Variants in ABCF1 observed in about 807,000 individuals in gnomAD.
ABCF1 encodes the protein ATP-binding cassette sub-family F member 1.
In ABCF1, 73 loss-of-function variants were observed where a neutral mutation model predicts 126.3. The ratio of observed to expected loss-of-function variants is 0.58; its 90% CI spans 0.48 to 0.70. ABCF1 has a LOEUF of 0.70. ABCF1 is among the 30% of genes least tolerant of loss of function. ABCF1 has a pLI of 0.00. For synonymous variants in ABCF1, 345 were observed against 396.4 expected, an observed-to-expected ratio of 0.87 and a Z score of 1.54; for missense variants, 786 against 1,057.5, an observed-to-expected ratio of 0.74 and a Z score of 3.56.
chr6:30,578,236 T>G, intron 4 of ABCF1, 34 bp downstream of exon 4: 1 of 1,613,678 alleles, frequency 6.2e-7, no homozygotes, highest in South Asian at 1.1e-5. Flanking sequence ...GTACCTGGAA[T>G]CCATGAGTCA....
At chr6:30,585,202 G>A (rs1802045700) in intron 14 of ABCF1, 58 bp from the exon 15 acceptor site, 4 of 1,473,532 alleles carry the variant, frequency 2.7e-6, no homozygotes, top group African/African-American at 1.4e-5. Context: ...TTTCTCTGGG[G>A]TTGTCTGAGC....
At position 30,583,106 on chromosome 6, in the gene ABCF1, ATGCAGCTGAAAATGACTTCTCCG is replaced by A. The variant is rs765600049; in HGVS notation, c.836_858del (p.Ala279ValfsTer17). ...CAAGTGGCTTCATTAAAAGCAGCCA[ATGCAGCTGAAAATGACTTCTCCG>A]TGTCCCAGGCGGAGATGTCCTCCCG... is the stretch of plus-strand genomic sequence containing the variant. On this transcript the variant is annotated frameshift_variant, in exon 10 of 25. Coordinates refer to ENST00000326195, the MANE Select transcript of ABCF1 (RefSeq NM_001025091.2). LOFTEE classifies it high-confidence loss of function. The surrounding 1 kb of genome is among the most constrained non-coding windows in gnomAD (Gnocchi z 4.1). The A allele has an allele frequency of 6.2e-7, 1 of 1,611,680 alleles. No homozygotes were observed. The highest frequency in any genetic ancestry group is 1.7e-5 in the Admixed American group (1 of 59,992).
intron 14 of ABCF1, 118 bp from the exon 15 acceptor site, chr6:30,585,142 G>A (rs1350489585): frequency 6.5e-6 from 6 of 926,990 alleles, no homozygotes; most frequent in Non-Finnish European, 1.1e-5. Context: ...GAACTTCTCT[G>A]AGGAGAGCTT....
intron 7 of ABCF1, 45 bp from the exon 8 acceptor site, chr6:30,580,361 A>T (rs4148251): frequency 7.0e-6 from 2 of 287,612 alleles, no homozygotes; most frequent in Non-Finnish European, 4.0e-6. Context: ...AAAAAAAAAG[A>T]AAAAAAAAAA....
At chr6:30,578,008 C>T in intron 3 of ABCF1, 68 bp from the exon 4 acceptor site, 3 of 1,613,728 alleles carry the variant, frequency 1.9e-6, no homozygotes, top group Non-Finnish European at 2.5e-6. Context: ...GATGGGGAAC[C>T]CTCTGTGAGG....
intron 8 of ABCF1, among the ~76,000 whole-genome samples, chr6:30,581,172 C>T (rs897334051): frequency 6.6e-6 from 1 of 152,024 alleles, no homozygotes. Flanking sequence ...AACACCTAAT[C>T]CAGTGAAGAA....
intron 1 of ABCF1, among the ~76,000 whole-genome samples, chr6:30,576,557 G>A (rs539359715): frequency 2.6e-5 from 4 of 151,934 alleles, no homozygotes; most frequent in Admixed American, 2.0e-4. Flanking sequence ...ACAAAGTGCC[G>A]GGATTACAGG....
At position 30,583,562 on chromosome 6, in the gene ABCF1, A is replaced by T; in HGVS notation, c.916-46A>T. 3.1e-6 allele frequency: 5 copies of T among 1,594,828 alleles called. No individual in the cohort carries two copies. The highest frequency in any genetic ancestry group is 4.3e-6 in the Non-Finnish European group (5 of 1,163,070). On this transcript the variant is annotated intron_variant, in intron 10 of 24. Coordinates refer to ENST00000326195, the MANE Select transcript of ABCF1 (RefSeq NM_001025091.2). This position sits in a 1 kb window ranked among gnomAD's most constrained non-coding sequence, Gnocchi z 4.1. Reference sequence around the variant, plus strand: ...CTCCTGTCCCAAAGGGAGAATTTTCATGTGATCATCCCTTCCCTCTGCCAC... The same window carrying T: ...CTCCTGTCCCAAAGGGAGAATTTTCTTGTGATCATCCCTTCCCTCTGCCAC...
In ABCF1 at chr6:30,586,528, G is replaced by T; in HGVS notation, c.1940G>T (p.Gly647Val). 1 of 1,613,368 alleles carries T rather than the reference G, an allele frequency of 6.2e-7. No individual in the cohort carries two copies. Among genetic ancestry groups the T allele is most frequent in the Non-Finnish European group, 8.5e-7 (1 of 1,180,022 alleles). ...CCACTCTTTAAGAACTTGGATTTTG[G>T]CATCGACATGGATTCAAGGAGTGAG... ...QKPLFKNLDF[G>V]IDMDSRICIV... The change falls in exon 19 of 25, where the codon GGC (glycine) becomes GTC (valine). Residue 647 changes from glycine (G) to valine (V), a missense_variant. Gly to Val is a moderately radical substitution (Grantham distance 109). Transcript: ENST00000326195. The surrounding 1 kb of genome is among the most constrained non-coding windows in gnomAD (Gnocchi z 4.9).
At chr6:30,585,534 T>TA in intron 15 of ABCF1, 24 bp from the exon 16 acceptor site, 8 of 1,612,830 alleles carry the variant, frequency 5.0e-6, no homozygotes, top group Non-Finnish European at 6.8e-6. Flanking sequence ...CTGTGACACT[T>TA]ACACCCTGTT....
chr6:30,586,576 G>A lies in ABCF1; in HGVS notation c.1960+28G>A, dbSNP rs756374287. On this transcript the variant is annotated intron_variant, in intron 19 of 24. Coordinates refer to ENST00000326195, the MANE Select transcript of ABCF1 (RefSeq NM_001025091.2). The surrounding 1 kb of genome is among the most constrained non-coding windows in gnomAD (Gnocchi z 4.9). Reference sequence around the variant, plus strand: ...GAGTTGGCGGGGTTGCCTCAGGGATGTGTAGCAGGAGCCACAGGGAGAGTC... The same window carrying A: ...GAGTTGGCGGGGTTGCCTCAGGGATATGTAGCAGGAGCCACAGGGAGAGTC... 2 of 1,613,078 alleles carry A rather than the reference G, an allele frequency of 1.2e-6. No homozygotes were observed. Among genetic ancestry groups the A allele is most frequent in the African/African-American group, 2.7e-5 (2 of 74,934 alleles).
At position 30,577,773 on chromosome 6, in the gene ABCF1, T is replaced by A. The variant is rs780046953; in HGVS notation, c.121-45T>A. 19 of 1,587,758 alleles carry A rather than the reference T, an allele frequency of 1.2e-5. No homozygotes were observed. In the African/African-American group the frequency reaches 2.2e-4, roughly 18 times the overall value. The stretch of plus-strand genomic sequence containing the variant: ...TGTGGCAGAGCACAGCCTGCTTGGA[T>A]TGCTCTTGGAAACATGTTTACCTGT... On this transcript the variant is annotated intron_variant, in intron 2 of 24. Transcript: ENST00000326195.
chr6:30,573,259 CACTT>C (rs1801345910), intron 1 of ABCF1, among the ~76,000 whole-genome samples: 1 of 152,190 alleles, frequency 6.6e-6, no homozygotes, highest in South Asian at 2.1e-4. Context: ...GTAAGGTTGA[CACTT>C]AAGTAACCCA....
chr6:30,586,824 A>C lies in ABCF1; in HGVS notation c.2031+113A>C, dbSNP rs1802161918. On this transcript the variant is annotated intron_variant, in intron 20 of 24. Coordinates refer to ENST00000326195, the MANE Select transcript of ABCF1 (RefSeq NM_001025091.2). The surrounding 1 kb of genome is among the most constrained non-coding windows in gnomAD (Gnocchi z 4.9). ...GAATGTAGAGTTAAATACAGAACTC[A>C]TGATAGATGATTCATTTCCCTAAGA... 1 of 1,137,330 alleles carries C rather than the reference A, an allele frequency of 8.8e-7. No homozygotes were observed. The highest frequency in any genetic ancestry group is 1.4e-5 in the South Asian group (1 of 73,950). 70.5% of individuals were successfully genotyped at this position (1,137,330 alleles called of 1,614,324 possible). A position where few individuals can be genotyped will look rare whatever the true frequency, so the allele number is the denominator to read the frequency against.
At position 30,589,958 on chromosome 6, in the gene ABCF1, G is replaced by A. The variant is rs1802355511; in HGVS notation, c.2217G>A (p.Gln739=). The A allele has an allele frequency of 6.2e-7, 1 of 1,613,480 alleles. No individual in the cohort carries two copies. ...FGLESHAHTI[Q]ICKLSGGQKA... ...TGGAGAGTCACGCCCACACCATCCA[G>A]ATCTGCAAACTCTCTGGTACCACTT... The change falls in exon 22 of 25, where the codon CAG becomes CAA. Residue 739 remains glutamine (Q), a synonymous_variant. Transcript: ENST00000326195.
At position 30,583,970 on chromosome 6, in the gene ABCF1, T is replaced by C. The variant is rs755920283; in HGVS notation, c.1102+80T>C. ...GCCAGCCAGCCAAGAATAGAAGAAA[T>C]TGTGGCTATGGAGTTGGAAGGGATG... On this transcript the variant is annotated intron_variant, in intron 12 of 24. Transcript: ENST00000326195. This position sits in a 1 kb window ranked among gnomAD's most constrained non-coding sequence, Gnocchi z 4.1. 50 of 1,533,266 alleles carry C rather than the reference T, an allele frequency of 3.3e-5. No homozygotes were observed. Among genetic ancestry groups the C allele is most frequent in the South Asian group, 3.0e-4 (26 of 87,954 alleles). The allele number at this position is 1,533,266 out of a possible 1,614,324, so 95.0% of individuals were successfully genotyped here. A position where few individuals can be genotyped will look rare whatever the true frequency, so the allele number is the denominator to read the frequency against.
intron 1 of ABCF1, 144 bp downstream of exon 1, chr6:30,571,704 T>A: frequency 1.1e-6 from 1 of 885,394 alleles, no homozygotes; most frequent in Non-Finnish European, 1.7e-6. Flanking sequence ...CCGGGAGGAG[T>A]TTGCCGGGGA....
intron 1 of ABCF1, among the ~76,000 whole-genome samples, chr6:30,575,221 T>C (rs930484968): frequency 1.3e-5 from 2 of 151,744 alleles, no homozygotes; most frequent in Non-Finnish European, 2.9e-5. Context: ...ATGCGTGCTC[T>C]GCCACGCCCA....
At chr6:30,577,351 G>C in intron 1 of ABCF1, 58 bp from the exon 2 acceptor site, 1 of 1,557,860 alleles carries the variant, frequency 6.4e-7, no homozygotes, top group Non-Finnish European at 8.8e-7. Context: ...TTGCAGGGGG[G>C]ATCAGACTGC....
Sources: gnomAD v4.1 joint callset for allele counts (sites outside exome capture counted in the v4.1 genomes callset) on GRCh38, gnomAD v4.1.1 for gene constraint, Gnocchi (gnomAD v3.1) non-coding constraint, MANE v1.5 for transcripts, NCBI Gene and HGNC (gene_info 2026-07-23, HGNC 2026-07-21) for gene names.